The following PAQR7 variants were observed in gnomAD, a reference collection of about 807,000 sequenced individuals.
PAQR7 encodes the protein progestin and adipoQ receptor family member 7, also known as membrane progestin receptor alpha.
Under a neutral mutation model 24.6 loss-of-function variants are expected in PAQR7, and 14 were observed. The observed-to-expected ratio is 0.57, with a 90% CI of 0.38 to 0.89. The LOEUF (loss-of-function observed/expected upper bound fraction) is 0.89, where lower values mean the gene tolerates loss of function less well. PAQR7 is among the 40% of genes least tolerant of loss of function. The pLI is 0.00. For synonymous variants in PAQR7, 189 were observed against 198.8 expected (o/e 0.95, Z 0.42); for missense variants, 351 against 444.0 (o/e 0.79, Z 1.88).
At chr1:25,869,228 A>G (rs115325391) in intron 2 of PAQR7, among the ~76,000 whole-genome samples, 1,524 of 152,188 alleles carry the variant, frequency 0.01, 24 homozygotes, top group African/African-American at 0.034. Context: ...CCTGGGAGGT[A>G]AGTACTATTC....
intron 1 of PAQR7, among the ~76,000 whole-genome samples, chr1:25,872,157 C>T (rs1256035672): frequency 6.6e-6 from 1 of 152,194 alleles, no homozygotes; most frequent in Non-Finnish European, 1.5e-5. Context: ...AAATAGCTGC[C>T]TCTTGGGCTC....
intron 2 of PAQR7, among the ~76,000 whole-genome samples, chr1:25,866,554 C>A (rs2124191569): frequency 6.6e-6 from 1 of 152,302 alleles, no homozygotes; most frequent in Non-Finnish European, 1.5e-5. Context: ...AGCAAATGCT[C>A]ACACAGCACC....
At chr1:25,866,191 AC>A (rs1343014107) in intron 2 of PAQR7, among the ~76,000 whole-genome samples, 1 of 151,396 alleles carries the variant, frequency 6.6e-6, no homozygotes, top group Non-Finnish European at 1.5e-5. Flanking sequence ...ATCCAATATA[AC>A]CCCTTACCCT....
chr1:25,863,890 G>A lies in PAQR7; in HGVS notation c.-22-29C>T, dbSNP rs758157478. Reference sequence around the variant, plus strand: ...GGAGAGAGACCAGAGCAAAGTCAGGGGCCTGGTGTCCTCACCCCCACGAGC... The same window carrying A: ...GGAGAGAGACCAGAGCAAAGTCAGGAGCCTGGTGTCCTCACCCCCACGAGC... On this transcript the variant is annotated intron_variant, in intron 2 of 2. Transcript: ENST00000675840. This position sits in a 1 kb window ranked among gnomAD's most constrained non-coding sequence, Gnocchi z 6.1. The A allele has an allele frequency of 1.2e-5, 19 of 1,536,540 alleles. No individual in the cohort carries two copies. In the South Asian group the frequency reaches 1.9e-4, roughly 15 times the overall value.
In PAQR7 at chr1:25,863,941, A is replaced by C; in HGVS notation, c.-22-80T>G. ...AGCAGCTGGGGGGCTCTGATGCCCA[A>C]ATCCTACTCCCTCCTCTCCGACAGC... On this transcript the variant is annotated intron_variant, in intron 2 of 2. Coordinates refer to ENST00000675840, the MANE Select transcript of PAQR7 (RefSeq NM_178422.6). This position sits in a 1 kb window ranked among gnomAD's most constrained non-coding sequence, Gnocchi z 6.1. 9.5e-7 allele frequency: 1 copy of C among 1,049,194 alleles called. No individual in the cohort carries two copies. The highest frequency in any genetic ancestry group is 2.8e-4 in the Middle Eastern group (1 of 3,514). The allele number at this position is 1,049,194 out of a possible 1,614,324, so 65.0% of individuals were successfully genotyped here. A position where few individuals can be genotyped will look rare whatever the true frequency, so the allele number is the denominator to read the frequency against.
rs528202870 is a variant in PAQR7 at position 25,875,531 on chromosome 1, C to T, written c.-152G>A. On this transcript the variant is annotated 5_prime_UTR_variant, in exon 1 of 3. Coordinates refer to ENST00000675840, the MANE Select transcript of PAQR7 (RefSeq NM_178422.6). The surrounding 1 kb of genome is among the most constrained non-coding windows in gnomAD (Gnocchi z 5.4). ...GGGAGGGCCGCGGGGGCCGGGTCGG[C>T]GGAGCTGGCAGATAAAAGAGCAGCC... Among the ~76,000 whole-genome samples, 57 of 152,180 alleles carry T rather than the reference C, an allele frequency of 3.7e-4. 1 individual carries two copies. The East Asian group carries it at 9.3e-3, about 25-fold the overall frequency.
Position 25,862,888 on chromosome 1 carries a change from G to A in PAQR7, c.952C>T (p.Leu318Phe), listed in dbSNP as rs150208716. The A allele has an allele frequency of 1.1e-5, 17 of 1,614,122 alleles. No individual in the cohort carries two copies. Among genetic ancestry groups the A allele is most frequent in the Admixed American group, 3.3e-5 (2 of 60,006 alleles). ...HTHWPHNFSG[L>F]FLLTVGSSIL... ...CTGCTGCCCACCGTGAGCAGGAAGA[G>A]GCCAGAAAAGTTGTGAGGCCAGTGC... is the stretch of plus-strand genomic sequence containing the variant. Residue 318 changes from leucine to phenylalanine, a missense_variant, in exon 3 of 3, where the codon CTC becomes TTC. Coordinates refer to ENST00000675840, the MANE Select transcript of PAQR7 (RefSeq NM_178422.6).
chr1:25,874,950 G>C (rs1257880543), intron 1 of PAQR7, among the ~76,000 whole-genome samples: 1 of 152,126 alleles, frequency 6.6e-6, no homozygotes, highest in African/African-American at 2.4e-5. Context: ...GGATCCCTAA[G>C]TGGGACTCCT....
Position 25,863,978 on chromosome 1 carries a change from A to G in PAQR7, c.-22-117T>C. On this transcript the variant is annotated intron_variant, in intron 2 of 2. Coordinates refer to ENST00000675840, the MANE Select transcript of PAQR7 (RefSeq NM_178422.6). This position sits in a 1 kb window ranked among gnomAD's most constrained non-coding sequence, Gnocchi z 6.1. ...TCCTCTCCGACAGCCTTATCCTTAC[A>G]CTCGGTTTAAGAACAGAAGACTCAT... The G allele has an allele frequency of 6.8e-6, 5 of 738,606 alleles. No homozygotes were observed. The South Asian group carries it at 9.5e-5, about 14-fold the overall frequency. 45.8% of individuals were successfully genotyped at this position (738,606 alleles called of 1,614,324 possible).
intron 2 of PAQR7, among the ~76,000 whole-genome samples, chr1:25,865,438 G>A (rs1264735720): frequency 6.6e-6 from 1 of 152,206 alleles, no homozygotes; most frequent in Non-Finnish European, 1.5e-5. Context: ...ACTTTGGGAG[G>A]CTGAGGCAGG....
Position 25,861,841 on chromosome 1 carries a change from C to G in PAQR7, c.*958G>C, listed in dbSNP as rs990113313. The G allele has an allele frequency of 2.0e-5, 3 of 151,608 alleles. No homozygotes were observed. Among genetic ancestry groups the G allele is most frequent in the Non-Finnish European group, 4.4e-5 (3 of 67,978 alleles). 9.4% of individuals were successfully genotyped at this position (151,608 alleles called of 1,614,324 possible). ...ACCAGCCTGACCAACATGGAGAAAC[C>G]CCGTCTCTACTAAAAATACAGAAAA... On this transcript the variant is annotated 3_prime_UTR_variant, in exon 3 of 3. Transcript: ENST00000675840.
chr1:25,863,304 G>C lies in PAQR7; in HGVS notation c.536C>G (p.Ala179Gly). The C allele has an allele frequency of 6.2e-7, 1 of 1,614,220 alleles. No homozygotes were observed. The highest frequency in any genetic ancestry group is 8.5e-7 in the Non-Finnish European group (1 of 1,180,044). ...QVQAVFLPMA[A>G]FLAWLSCIGS... is the part of the protein sequence containing the mutation. ...AATGCAGGAAAGCCAGGCGAGAAAG[G>C]CAGCCATGGGCAGAAAAACAGCCTG... Residue 179 changes from alanine (A) to glycine (G), a missense_variant, in exon 3 of 3, where the codon GCC becomes GGC. Ala to Gly is a moderately conservative substitution (Grantham distance 60). Coordinates refer to ENST00000675840, the MANE Select transcript of PAQR7 (RefSeq NM_178422.6). The surrounding 1 kb of genome is among the most constrained non-coding windows in gnomAD (Gnocchi z 6.1).
rs2124523211 is a variant in PAQR7, at chr1:25,861,971, C to T, written c.*828G>A. The T allele has an allele frequency of 7.6e-6, 1 of 132,434 alleles. No homozygotes were observed. The highest frequency in any genetic ancestry group is 8.8e-5 in the Admixed American group (1 of 11,328). The allele number at this position is 132,434 out of a possible 1,614,324, so 8.2% of individuals were successfully genotyped here. ...GCGGAGGTGCAGTGAGCCGAGATCG[C>T]ACCATTTTACTCCAGCCTAGCCAAC... On this transcript the variant is annotated 3_prime_UTR_variant, in exon 3 of 3. Transcript: ENST00000675840.
intron 2 of PAQR7, among the ~76,000 whole-genome samples, chr1:25,866,536 C>G (rs931512496): frequency 1.3e-5 from 2 of 152,184 alleles, no homozygotes; most frequent in Non-Finnish European, 2.9e-5. Context: ...GAAACAAAAA[C>G]AAATCATAGC....
Position 25,862,083 on chromosome 1 carries a change from G to A in PAQR7, c.*716C>T, listed in dbSNP as rs1018174995. The A allele has an allele frequency of 6.8e-6, 1 of 146,388 alleles. No individual in the cohort carries two copies. Among genetic ancestry groups the A allele is most frequent in the Admixed American group, 6.8e-5 (1 of 14,640 alleles). 9.1% of individuals were successfully genotyped at this position (146,388 alleles called of 1,614,324 possible). A position where few individuals can be genotyped will look rare whatever the true frequency, so the allele number is the denominator to read the frequency against. ...GCATTGATCCACAGGGCCCAGTGGT[G>A]ACCTGCCTCTGAGCAGAGGCCCAGG... On this transcript the variant is annotated 3_prime_UTR_variant, in exon 3 of 3. Transcript: ENST00000675840.
At chr1:25,868,076 G>C (rs1572279302) in intron 2 of PAQR7, among the ~76,000 whole-genome samples, 1 of 152,242 alleles carries the variant, frequency 6.6e-6, no homozygotes, top group East Asian at 1.9e-4. Context: ...ATCTCCCCAA[G>C]AGATGGTTTC....
At chr1:25,874,161 G>A (rs568891441) in intron 1 of PAQR7, among the ~76,000 whole-genome samples, 2 of 150,556 alleles carry the variant, frequency 1.3e-5, no homozygotes, top group African/African-American at 2.5e-5. Context: ...GGGATTACAG[G>A]TGTGAGCCAC....
intron 1 of PAQR7, among the ~76,000 whole-genome samples, chr1:25,873,693 C>G (rs1168352954): frequency 6.6e-6 from 1 of 152,108 alleles, no homozygotes; most frequent in African/African-American, 2.4e-5. Context: ...ACCTCAGCCT[C>G]CTGAGTAGCC....
At chr1:25,869,502 G>T (rs2048585838) in intron 2 of PAQR7, among the ~76,000 whole-genome samples, 1 of 151,490 alleles carries the variant, frequency 6.6e-6, no homozygotes. Flanking sequence ...AGCTCGGGGA[G>T]CTGAGATTGC....
Sources: gnomAD v4.1 joint callset for allele counts (sites outside exome capture counted in the v4.1 genomes callset) on GRCh38, gnomAD v4.1.1 for gene constraint, Gnocchi (gnomAD v3.1) non-coding constraint, MANE v1.5 for transcripts, NCBI Gene and HGNC (gene_info 2026-07-23, HGNC 2026-07-21) for gene names.